SPATA17: variants seen among roughly 807,000 people sequenced by gnomAD.
SPATA17 encodes the protein spermatogenesis-associated protein 17.
A neutral mutation model predicts 62.2 loss-of-function variants in SPATA17; 53 were observed. That is an observed-to-expected ratio of 0.85 (90% CI 0.68 to 1.07). The LOEUF (loss-of-function observed/expected upper bound fraction) is 1.07. SPATA17 is among the 50% of genes least tolerant of loss of function. The probability of loss-of-function intolerance (pLI) is 0.00; values close to 1 mark genes in which losing one functional copy is unlikely to be tolerated. For missense variants in SPATA17, 466 were observed against 425.5 expected (o/e 1.10, Z -0.84); for synonymous variants, 146 against 146.8 (o/e 0.99, Z 0.04).
intron 9 of SPATA17, among the ~76,000 whole-genome samples, chr1:217,814,048 A>C (rs1403617311): frequency 6.6e-6 from 1 of 152,122 alleles, no homozygotes; most frequent in African/African-American, 2.4e-5. Flanking sequence ...AAAATGATAC[A>C]ACAGGGTTCC....
chr1:217,804,503 C>A (rs973291150), intron 9 of SPATA17, among the ~76,000 whole-genome samples: 1 of 152,012 alleles, frequency 6.6e-6, no homozygotes, highest in South Asian at 2.1e-4. Context: ...GGATATGACC[C>A]CAAAAGTATA....
At chr1:217,652,936 C>T (rs970689095) in intron 3 of SPATA17, among the ~76,000 whole-genome samples, 11 of 152,058 alleles carry the variant, frequency 7.2e-5, no homozygotes, top group South Asian at 2.1e-4. Context: ...AAACACTGTA[C>T]GTAAAATACC....
chr1:217,863,803 T>C (rs1167275724), intron 10 of SPATA17, among the ~76,000 whole-genome samples: 1 of 152,108 alleles, frequency 6.6e-6, no homozygotes, highest in African/African-American at 2.4e-5. Flanking sequence ...ATTTAAAGAA[T>C]GTATTGGGTG....
intron 5 of SPATA17, among the ~76,000 whole-genome samples, chr1:217,711,153 T>A (rs1415680426): frequency 6.6e-6 from 1 of 152,202 alleles, no homozygotes; most frequent in Non-Finnish European, 1.5e-5. Context: ...TTTTAATTTT[T>A]ATTTTTGGTT....
At chr1:217,720,929 G>A (rs554701822) in intron 5 of SPATA17, among the ~76,000 whole-genome samples, 1 of 152,262 alleles carries the variant, frequency 6.6e-6, no homozygotes, top group South Asian at 2.1e-4. Flanking sequence ...CAGAACTATT[G>A]ATAGTCACTG....
chr1:217,841,984 A>G (rs1268434749), intron 9 of SPATA17, among the ~76,000 whole-genome samples: 1 of 151,764 alleles, frequency 6.6e-6, no homozygotes, highest in Non-Finnish European at 1.5e-5. Context: ...TATCATGTTA[A>G]AGATGGTTCC....
At chr1:217,846,714 A>G (rs1226376169) in intron 9 of SPATA17, among the ~76,000 whole-genome samples, 1 of 152,026 alleles carries the variant, frequency 6.6e-6, no homozygotes. Flanking sequence ...TACCTGATTT[A>G]TTTATTCTTT....
chr1:217,771,010 C>CTTTTTTTT (rs1673431947), intron 6 of SPATA17, among the ~76,000 whole-genome samples: 2 of 8,318 alleles, frequency 2.4e-4, no homozygotes, highest in African/African-American at 7.7e-4. Context: ...TTTTTTTTTG[C>CTTTTTTTT]CTTTTGACGA....
chr1:217,655,998 C>T (rs1670433548), intron 3 of SPATA17, among the ~76,000 whole-genome samples: 1 of 152,084 alleles, frequency 6.6e-6, no homozygotes, highest in Non-Finnish European at 1.5e-5. Flanking sequence ...CTGCCTCAGC[C>T]TCCCAAGTAG....
intron 6 of SPATA17, among the ~76,000 whole-genome samples, chr1:217,771,753 A>G (rs1259568942): frequency 6.6e-6 from 1 of 152,208 alleles, no homozygotes; most frequent in Non-Finnish European, 1.5e-5. Flanking sequence ...AGGTCTCCAT[A>G]TAGGTTGCAA....
intron 9 of SPATA17, among the ~76,000 whole-genome samples, chr1:217,843,700 G>T (rs1010050296): frequency 2.0e-5 from 3 of 151,980 alleles, no homozygotes; most frequent in South Asian, 2.1e-4. Context: ...GCATTGTAGC[G>T]CAAAAGCAGC....
chr1:217,677,270 C>T (rs928717752), intron 4 of SPATA17, among the ~76,000 whole-genome samples: 3 of 151,790 alleles, frequency 2.0e-5, no homozygotes, highest in African/African-American at 7.2e-5. Flanking sequence ...TCTTTTGTTT[C>T]CCACTTGTGT....
rs377094685 is a variant in SPATA17 at position 217,760,928 on chromosome 1, A to G, written c.520-13406A>G. ...GTAGGAGGATGGTGGTCATAAAAAC[A>G]TATTTTGTGATTTTCTTCTATTTTT... On this transcript the variant is annotated intron_variant, in intron 6 of 10. Transcript: ENST00000366933. 4.3e-4 allele frequency among the ~76,000 whole-genome samples: 65 copies of G among 152,308 alleles called. No individual in the cohort carries two copies. In the East Asian group the frequency reaches 0.01, roughly 24 times the overall value.
intron 5 of SPATA17, among the ~76,000 whole-genome samples, chr1:217,733,978 G>A (rs1486910396): frequency 6.6e-6 from 1 of 152,160 alleles, no homozygotes; most frequent in Non-Finnish European, 1.5e-5. Flanking sequence ...CAGATCCGGG[G>A]AGTAGGTAAC....
At position 217,831,135 on chromosome 1, in the gene SPATA17, T is replaced by A. The variant is rs1217408807; in HGVS notation, c.1005+29285T>A. Among the ~76,000 whole-genome samples, 3 of 152,248 alleles carry A rather than the reference T, an allele frequency of 2.0e-5. No homozygotes were observed. In the East Asian group the frequency reaches 5.8e-4, roughly 29 times the overall value. ...AGAAAATGTAGTCCTTTGATGATGA[T>A]CTAGGGCTTTGAAGAAGAAATGGAT... On this transcript the variant is annotated intron_variant, in intron 9 of 10. Coordinates refer to ENST00000366933, the MANE Select transcript of SPATA17 (RefSeq NM_138796.4).
chr1:217,809,836 C>T (rs1674540978), intron 9 of SPATA17, among the ~76,000 whole-genome samples: 1 of 152,188 alleles, frequency 6.6e-6, no homozygotes, highest in Non-Finnish European at 1.5e-5. Flanking sequence ...GTTCTAAGCA[C>T]ATGCTTTTAA....
chr1:217,636,148 A>AAG (rs1669934828), intron 1 of SPATA17, among the ~76,000 whole-genome samples: 1 of 148,204 alleles, frequency 6.7e-6, no homozygotes, highest in Non-Finnish European at 1.5e-5. Context: ...AAAAAAAAAA[A>AAG]AAGGGTGTTT....
intron 9 of SPATA17, among the ~76,000 whole-genome samples, chr1:217,855,051 A>C (rs1571845345): frequency 6.6e-6 from 1 of 152,214 alleles, no homozygotes; most frequent in African/African-American, 2.4e-5. Context: ...ATTTGGATGC[A>C]TTCAGTTTTT....
At chr1:217,776,674 A>G (rs1432309954) in intron 7 of SPATA17, among the ~76,000 whole-genome samples, 3 of 143,716 alleles carry the variant, frequency 2.1e-5, no homozygotes, top group African/African-American at 8.2e-5. Flanking sequence ...GCCTGTCTCT[A>G]TTAAAAAAAA....
Sources: allele counts gnomAD v4.1 joint callset (sites outside exome capture counted in the v4.1 genomes callset), GRCh38; gene constraint gnomAD v4.1.1; transcripts MANE v1.5; gene names NCBI Gene and HGNC (gene_info 2026-07-23, HGNC 2026-07-21).